Variants in TMEM232 observed in about 807,000 individuals in gnomAD.
TMEM232 encodes transmembrane protein 232.
A neutral mutation model predicts 78.8 loss-of-function variants in TMEM232; 80 were observed. The ratio of observed to expected loss-of-function variants is 1.01; its 90% CI spans 0.85 to 1.22. TMEM232 has a LOEUF of 1.22. TMEM232 is among the 50% of genes most tolerant of loss of function. TMEM232 has a pLI of 0.00. For synonymous variants in TMEM232, 297 were observed against 254.3 expected, an observed-to-expected ratio of 1.17 and a Z score of -1.60; for missense variants, 881 against 742.2, an observed-to-expected ratio of 1.19 and a Z score of -2.17.
intron 1 of TMEM232, among the ~76,000 whole-genome samples, chr5:110,688,792 C>T (rs1163663897): frequency 6.6e-6 from 1 of 152,162 alleles, no homozygotes; most frequent in Non-Finnish European, 1.5e-5. Flanking sequence ...CTTTTGGCTG[C>T]TAAATAAGAT....
At chr5:110,632,429 G>T (rs112630052) in intron 5 of TMEM232, among the ~76,000 whole-genome samples, 1,858 of 151,554 alleles carry the variant, frequency 0.012, 33 homozygotes, top group African/African-American at 0.042. Context: ...TGACATCACA[G>T]GGAAAAAAAT....
At chr5:110,477,696 T>C (rs1202760234) in intron 12 of TMEM232, among the ~76,000 whole-genome samples, 1 of 151,748 alleles carries the variant, frequency 6.6e-6, no homozygotes, top group South Asian at 2.1e-4. Context: ...TATAAACTGC[T>C]TACAAAAAAA....
chr5:110,628,523 A>C (rs1014567344), intron 5 of TMEM232, among the ~76,000 whole-genome samples: 8 of 152,118 alleles, frequency 5.3e-5, no homozygotes, highest in African/African-American at 1.9e-4. Context: ...CACAGACTAC[A>C]TAAAATGGAA....
chr5:110,584,950 C>T (rs1778637875), intron 10 of TMEM232, among the ~76,000 whole-genome samples: 1 of 152,020 alleles, frequency 6.6e-6, no homozygotes, highest in African/African-American at 2.4e-5. Flanking sequence ...TGTACTTTAG[C>T]ACCATAAATA....
intron 12 of TMEM232, among the ~76,000 whole-genome samples, chr5:110,459,031 C>A (rs993120216): frequency 1.3e-5 from 2 of 152,070 alleles, no homozygotes; most frequent in African/African-American, 4.8e-5. Flanking sequence ...GGGGGGATAA[C>A]CTTCAGGCAT....
chr5:110,547,864 G>A (rs530893814), intron 11 of TMEM232, among the ~76,000 whole-genome samples: 2 of 151,690 alleles, frequency 1.3e-5, no homozygotes. Flanking sequence ...CAGGCATGGT[G>A]GTGCATGCCT....
At position 110,435,215 on chromosome 5, in the gene TMEM232, A is replaced by G. The variant is rs1758287524; in HGVS notation, c.1704-10299T>C. The stretch of plus-strand genomic sequence containing the variant: ...AGAAGGCTCCTAGACCTATTAAACA[A>G]CTTCAGGAAAGTCTCAGGATATAAA... On this transcript the variant is annotated intron_variant, in intron 12 of 13. Coordinates refer to ENST00000455884, the MANE Select transcript of TMEM232 (RefSeq NM_001039763.4). Among the ~76,000 whole-genome samples, 5 of 151,832 alleles carry G rather than the reference A, an allele frequency of 3.3e-5. No individual in the cohort carries two copies. The South Asian group carries it at 1.0e-3, about 31-fold the overall frequency.
At chr5:110,654,951 C>T (rs954465876) in intron 2 of TMEM232, among the ~76,000 whole-genome samples, 1 of 152,100 alleles carries the variant, frequency 6.6e-6, no homozygotes, top group African/African-American at 2.4e-5. Context: ...CATAAAATCC[C>T]TAGAAGAAAA....
intron 11 of TMEM232, among the ~76,000 whole-genome samples, chr5:110,536,677 A>G (rs1002832451): frequency 9.9e-5 from 15 of 152,198 alleles, no homozygotes; most frequent in African/African-American, 3.6e-4. Flanking sequence ...AGACAAAAGG[A>G]ACCCACCTAG....
chr5:110,451,665 CT>C (rs1760295072), intron 12 of TMEM232, among the ~76,000 whole-genome samples: 1 of 151,994 alleles, frequency 6.6e-6, no homozygotes, highest in South Asian at 2.1e-4. Context: ...TAAAGTTTAA[CT>C]TAGGTGCCTT....
chr5:110,663,949 A>G (rs933058461), intron 2 of TMEM232, among the ~76,000 whole-genome samples: 14 of 152,128 alleles, frequency 9.2e-5, no homozygotes, highest in Admixed American at 3.3e-4. Context: ...AACCAGCCTC[A>G]GCAACAAAGC....
chr5:110,586,193 G>C lies in TMEM232; in HGVS notation c.1277-17568C>G, dbSNP rs77597411. ...TTATTATTATTTCTATTTTATAATA[G>C]ATACATATATTTCCAAAATTTCACT... On this transcript the variant is annotated intron_variant, in intron 10 of 13. Coordinates refer to ENST00000455884, the MANE Select transcript of TMEM232 (RefSeq NM_001039763.4). 9.8e-3 allele frequency among the ~76,000 whole-genome samples: 1,496 copies of C among 152,128 alleles called. 28 individuals carry two copies. Among genetic ancestry groups the C allele is most frequent in the African/African-American group, 0.034 (1,420 of 41,524 alleles).
upstream of TMEM232, among the ~76,000 whole-genome samples, chr5:110,730,961 A>C (rs1414174693): frequency 2.0e-5 from 3 of 152,220 alleles, no homozygotes; most frequent in Non-Finnish European, 4.4e-5. Flanking sequence ...CTCATCTGCA[A>C]CAAGCCAAGT....
chr5:110,552,562 T>A (rs1774599350), intron 11 of TMEM232, among the ~76,000 whole-genome samples: 1 of 152,028 alleles, frequency 6.6e-6, no homozygotes, highest in African/African-American at 2.4e-5. Flanking sequence ...GAAATGTTAA[T>A]CCACAGGCAG....
At chr5:110,737,002 T>TAA (rs5870418) in intron 1 of TMEM232, among the ~76,000 whole-genome samples, 3 of 134,676 alleles carry the variant, frequency 2.2e-5, no homozygotes, top group Non-Finnish European at 3.2e-5. Flanking sequence ...TTCCTTATTC[T>TAA]AAAAAAAAAA....
chr5:110,640,189 G>A (rs1276495142), intron 4 of TMEM232, among the ~76,000 whole-genome samples: 1 of 152,204 alleles, frequency 6.6e-6, no homozygotes, highest in Non-Finnish European at 1.5e-5. Flanking sequence ...GGATGGCACT[G>A]TGATGAAGGA....
chr5:110,577,968 C>A (rs562908421), intron 10 of TMEM232, among the ~76,000 whole-genome samples: 2 of 151,870 alleles, frequency 1.3e-5, no homozygotes, highest in East Asian at 3.9e-4. Context: ...ATCTGTACAA[C>A]CAATCCCCAT....
rs1351858113 is a variant in TMEM232, at chr5:110,410,282, T to C, written n.309-12428A>G. ...CATATTTTATTTAACAGTTTATTAT[T>C]AGCTTAATGTATGTTTTAAATACTC... On this transcript the variant is annotated intron_variant and non_coding_transcript_variant, in intron 2 of 8. Coordinates refer to the TMEM232 transcript ENST00000507188. Among the ~76,000 whole-genome samples the C allele has an allele frequency of 2.0e-5, 3 of 152,194 alleles. No homozygotes were observed. In the South Asian group the frequency reaches 6.2e-4, roughly 32 times the overall value.
intron 2 of TMEM232, among the ~76,000 whole-genome samples, chr5:110,663,301 C>T (rs1790058836): frequency 6.6e-6 from 1 of 151,476 alleles, no homozygotes; most frequent in South Asian, 2.1e-4. Flanking sequence ...AAAGGCACAA[C>T]AAAAACAAAG....
Sources: allele counts gnomAD v4.1 joint callset (sites outside exome capture counted in the v4.1 genomes callset), GRCh38; gene constraint gnomAD v4.1.1; transcripts MANE v1.5; gene names NCBI Gene and HGNC (gene_info 2026-07-23, HGNC 2026-07-21).